FAM168A: variants seen among roughly 807,000 people sequenced by gnomAD.
The protein encoded by FAM168A is protein FAM168A.
FAM168A carries 3 observed loss-of-function variants against 28.5 expected under a neutral mutation model. That is an observed-to-expected ratio of 0.11 (90% CI 0.05 to 0.27). The LOEUF (loss-of-function observed/expected upper bound fraction) is 0.27, where lower values mean the gene tolerates loss of function less well. Ranked by LOEUF, FAM168A falls within the 10% of genes least tolerant of loss-of-function variation. The pLI is 1.00. For synonymous variants in FAM168A, 122 were observed against 124.2 expected (o/e 0.98, Z 0.12); for missense variants, 222 against 311.5 (o/e 0.71, Z 2.16).
chr11:73,485,737 A>G (rs1473950904), intron 1 of FAM168A, among the ~76,000 whole-genome samples: 1 of 152,198 alleles, frequency 6.6e-6, no homozygotes, highest in East Asian at 1.9e-4. Context: ...CAACCTGAAG[A>G]TGGTATAATG....
At chr11:73,481,137 T>C (rs1867962502) in intron 1 of FAM168A, among the ~76,000 whole-genome samples, 1 of 152,198 alleles carries the variant, frequency 6.6e-6, no homozygotes, top group African/African-American at 2.4e-5. Flanking sequence ...CAGGTTGGAC[T>C]CAAACTCCTA....
At chr11:73,432,242 G>GT (rs1474523265) in intron 2 of FAM168A, among the ~76,000 whole-genome samples, 2 of 152,288 alleles carry the variant, frequency 1.3e-5, no homozygotes, top group East Asian at 3.9e-4. Context: ...ACAATGACAT[G>GT]TAAGTATCTG....
At chr11:73,584,783 C>T (rs11823289) in intron 1 of FAM168A, among the ~76,000 whole-genome samples, 11,052 of 152,172 alleles carry the variant, frequency 0.073, 1,200 homozygotes, top group African/African-American at 0.23. Flanking sequence ...AGTCCACTGA[C>T]ATTTTTAATT....
At chr11:73,493,670 GC>G (rs1391326445) in intron 1 of FAM168A, among the ~76,000 whole-genome samples, 1 of 152,172 alleles carries the variant, frequency 6.6e-6, no homozygotes, top group Non-Finnish European at 1.5e-5. Flanking sequence ...ACCTGCTTCT[GC>G]CTCCCAAAGT....
intron 1 of FAM168A, among the ~76,000 whole-genome samples, chr11:73,545,362 G>C (rs933594483): frequency 6.6e-6 from 1 of 151,756 alleles, no homozygotes; most frequent in Non-Finnish European, 1.5e-5. Flanking sequence ...AAAAAAGCTA[G>C]CTATAAAGGC....
chr11:73,463,065 T>A (rs1444191867), intron 2 of FAM168A, among the ~76,000 whole-genome samples: 1 of 152,066 alleles, frequency 6.6e-6, no homozygotes, highest in Non-Finnish European at 1.5e-5. Flanking sequence ...ACCTCCCAGG[T>A]TCCAGCGATT....
At chr11:73,451,073 T>A (rs1396303445) in intron 2 of FAM168A, among the ~76,000 whole-genome samples, 1 of 152,090 alleles carries the variant, frequency 6.6e-6, no homozygotes, top group African/African-American at 2.4e-5. Context: ...AAGACAAACA[T>A]AAACTAGATA....
rs1866718169 is a variant in FAM168A, at chr11:73,417,615, A to G, written c.277+2259T>C. Among the ~76,000 whole-genome samples, 5 of 145,998 alleles carry G rather than the reference A, an allele frequency of 3.4e-5. No individual in the cohort carries two copies. In the Admixed American group the frequency reaches 3.5e-4, roughly 10 times the overall value. On this transcript the variant is annotated intron_variant, in intron 4 of 7. Transcript: ENST00000356467. ...CACTCTGTTGCCCAGGCTGTAGTGC[A>G]ATGGCGCAATCTCGGCTCACTGCCA... is the stretch of plus-strand genomic sequence containing the variant.
chr11:73,560,142 C>T lies in FAM168A; in HGVS notation c.-19+37781G>A, dbSNP rs142413106. On this transcript the variant is annotated intron_variant, in intron 1 of 7. Transcript: ENST00000356467. ...GCAGTGGCATGAACATGGCTCACTG[C>T]AGCCTCGACCCCTCGGACTCAAGCG... Among the ~76,000 whole-genome samples, 16 of 152,252 alleles carry T rather than the reference C, an allele frequency of 1.1e-4. No homozygotes were observed. The East Asian group carries it at 3.1e-3, about 29-fold the overall frequency.
intron 2 of FAM168A, among the ~76,000 whole-genome samples, chr11:73,441,137 C>T (rs552822868): frequency 6.6e-5 from 10 of 151,772 alleles, no homozygotes; most frequent in African/African-American, 2.4e-4. Flanking sequence ...CAGTTCACCA[C>T]AACCTCCGCA....
chr11:73,415,868 A>G (rs1389369175), intron 4 of FAM168A, among the ~76,000 whole-genome samples: 3 of 152,228 alleles, frequency 2.0e-5, no homozygotes, highest in Admixed American at 6.5e-5. Flanking sequence ...AGACTTTGGA[A>G]TGTTGTGCCT....
At position 73,402,240 on chromosome 11, in the gene FAM168A, G is replaced by A. The variant is rs1866426105; in HGVS notation, c.*4523C>T. On this transcript the variant is annotated 3_prime_UTR_variant, in exon 8 of 8. Transcript: ENST00000356467. ...GAGGAGGAATTCTGATACAGATGGT[G>A]ATATATAAGACAAAGTTCACAGGGC... is the stretch of plus-strand genomic sequence containing the variant. The A allele has an allele frequency of 6.6e-6, 1 of 152,250 alleles. No homozygotes were observed. The allele number at this position is 152,250 out of a possible 1,614,324, so 9.4% of individuals were successfully genotyped here. A position where few individuals can be genotyped will look rare whatever the true frequency, so the allele number is the denominator to read the frequency against.
chr11:73,420,042 G>T, intron 3 of FAM168A, 43 bp from the exon 4 acceptor site: 1 of 1,607,562 alleles, frequency 6.2e-7, no homozygotes, highest in African/African-American at 1.3e-5. Flanking sequence ...GAAATAAGAA[G>T]TGGCCACCAC....
chr11:73,581,726 G>GT (rs1249756039), intron 1 of FAM168A, among the ~76,000 whole-genome samples: 2,662 of 148,046 alleles, frequency 0.018, 80 homozygotes, highest in African/African-American at 0.061. Flanking sequence ...CTTGGTTTTT[G>GT]TTTTTTTTTT....
intron 2 of FAM168A, among the ~76,000 whole-genome samples, chr11:73,433,886 G>T (rs921871720): frequency 6.7e-5 from 8 of 119,386 alleles, no homozygotes; most frequent in Admixed American, 2.3e-4. Flanking sequence ...TCACTCTGTC[G>T]CCAGGCTGGA....
chr11:73,428,973 T>C (rs1201794344), intron 3 of FAM168A, among the ~76,000 whole-genome samples: 2 of 152,200 alleles, frequency 1.3e-5, no homozygotes, highest in African/African-American at 4.8e-5. Flanking sequence ...GGGGATACCA[T>C]AGCCTATTTA....
Position 73,585,912 on chromosome 11 carries a change from A to G in FAM168A, c.-19+12011T>C, listed in dbSNP as rs1590753145. ...AAAAAAAGAGATTGACCCTTTCCCC[A>G]TAGCAACAAATGGTGACCAGATCCT... is the stretch of plus-strand genomic sequence containing the variant. On this transcript the variant is annotated intron_variant, in intron 1 of 7. Coordinates refer to ENST00000356467, the MANE Select transcript of FAM168A (RefSeq NM_015159.3). Among the ~76,000 whole-genome samples the G allele has an allele frequency of 2.6e-5, 4 of 151,084 alleles. No individual in the cohort carries two copies. In the South Asian group the frequency reaches 6.3e-4, roughly 24 times the overall value.
chr11:73,492,472 A>G lies in FAM168A; in HGVS notation c.-18-23980T>C, dbSNP rs548279805. Reference sequence around the variant, plus strand: ...ACCAGCATGGTGAAACCCCATCTCTACAAAAAAAATTTCAAAAAAATTAGC... The same window carrying G: ...ACCAGCATGGTGAAACCCCATCTCTGCAAAAAAAATTTCAAAAAAATTAGC... On this transcript the variant is annotated intron_variant, in intron 1 of 7. Transcript: ENST00000356467. 2.0e-5 allele frequency among the ~76,000 whole-genome samples: 3 copies of G among 152,076 alleles called. No homozygotes were observed. The East Asian group carries it at 5.8e-4, about 29-fold the overall frequency.
intron 1 of FAM168A, among the ~76,000 whole-genome samples, chr11:73,580,826 G>C (rs1944233644): frequency 6.6e-6 from 1 of 152,204 alleles, no homozygotes; most frequent in Non-Finnish European, 1.5e-5. Context: ...CAAAAGCTTT[G>C]TGGTATGGAA....
Sources: allele counts gnomAD v4.1 joint callset (sites outside exome capture counted in the v4.1 genomes callset), GRCh38; gene constraint gnomAD v4.1.1; transcripts MANE v1.5; gene names NCBI Gene and HGNC (gene_info 2026-07-23, HGNC 2026-07-21).